The following CSMD1 variants were observed in gnomAD, a reference collection of about 807,000 sequenced individuals.
The protein encoded by CSMD1 is CUB and sushi domain-containing protein 1.
A neutral mutation model predicts 417.5 loss-of-function variants in CSMD1; 213 were observed. That is an observed-to-expected ratio of 0.51 (90% CI 0.46 to 0.57). The LOEUF (loss-of-function observed/expected upper bound fraction) is 0.57, where lower values mean the gene tolerates loss of function less well. CSMD1 is among the 20% of genes least tolerant of loss of function. The probability of loss-of-function intolerance (pLI) is 0.00; values close to 1 mark genes in which losing one functional copy is unlikely to be tolerated. For synonymous variants in CSMD1, 2,862 were observed against 1,736.8 expected, an observed-to-expected ratio of 1.65 and a Z score of -16.11; for missense variants, 6,923 against 4,529.7, an observed-to-expected ratio of 1.53 and a Z score of -15.17.
chr8:3,589,547 G>A (rs1445671380), intron 8 of CSMD1, among the ~76,000 whole-genome samples: 3 of 152,132 alleles, frequency 2.0e-5, no homozygotes, highest in South Asian at 2.1e-4. Flanking sequence ...AGTACTGCAT[G>A]ATCTCATTTC....
At chr8:3,076,412 G>C (rs996882991) in intron 49 of CSMD1, among the ~76,000 whole-genome samples, 1 of 73,958 alleles carries the variant, frequency 1.4e-5, no homozygotes, top group Admixed American at 1.1e-4. Flanking sequence ...TCCAAATACA[G>C]TCCCATTCTA....
At chr8:4,283,638 G>C (rs1054052839) in intron 3 of CSMD1, among the ~76,000 whole-genome samples, 4 of 152,168 alleles carry the variant, frequency 2.6e-5, no homozygotes, top group Non-Finnish European at 5.9e-5. Flanking sequence ...AATGTGGGTA[G>C]AGATGGACAA....
At chr8:3,912,139 T>G (rs1337404344) in intron 5 of CSMD1, among the ~76,000 whole-genome samples, 1 of 152,210 alleles carries the variant, frequency 6.6e-6, no homozygotes, top group Non-Finnish European at 1.5e-5. Flanking sequence ...CTATTTTTAT[T>G]TAACCTGATT....
chr8:4,984,015 G>T (rs1458880286), intron 1 of CSMD1, among the ~76,000 whole-genome samples: 12 of 152,196 alleles, frequency 7.9e-5, no homozygotes, highest in Non-Finnish European at 2.9e-5. Context: ...GATTTGAAAA[G>T]ACTGATTATG....
intron 3 of CSMD1, among the ~76,000 whole-genome samples, chr8:4,068,706 G>A (rs972176182): frequency 6.6e-6 from 1 of 152,032 alleles, no homozygotes; most frequent in Non-Finnish European, 1.5e-5. Flanking sequence ...GATATCTAGT[G>A]GGGAAAAAAG....
At chr8:3,084,642 T>C (rs1182887466) in intron 49 of CSMD1, among the ~76,000 whole-genome samples, 1 of 152,076 alleles carries the variant, frequency 6.6e-6, no homozygotes, top group Non-Finnish European at 1.5e-5. Flanking sequence ...ATTTATATTT[T>C]ATATTTAATA....
At chr8:4,211,646 A>G (rs536487997) in intron 3 of CSMD1, among the ~76,000 whole-genome samples, 3 of 152,232 alleles carry the variant, frequency 2.0e-5, no homozygotes, top group Non-Finnish European at 2.9e-5. Flanking sequence ...TCGTACTAAA[A>G]TCTGTAAATA....
At chr8:4,162,909 A>G (rs907485356) in intron 3 of CSMD1, among the ~76,000 whole-genome samples, 1 of 151,938 alleles carries the variant, frequency 6.6e-6, no homozygotes, top group Non-Finnish European at 1.5e-5. Context: ...CCTTCCTCCA[A>G]CCCTTTGCAA....
At chr8:4,417,635 T>G (rs1446166280) in intron 3 of CSMD1, among the ~76,000 whole-genome samples, 2 of 152,026 alleles carry the variant, frequency 1.3e-5, no homozygotes, top group Non-Finnish European at 1.5e-5. Flanking sequence ...TCATACCAAT[T>G]ACTTGGTGGG....
At chr8:4,136,580 A>C (rs989799464) in intron 3 of CSMD1, among the ~76,000 whole-genome samples, 1 of 152,216 alleles carries the variant, frequency 6.6e-6, no homozygotes, top group Non-Finnish European at 1.5e-5. Flanking sequence ...ACAGTATTTC[A>C]GAAGATGCCA....
At chr8:4,821,885 A>T (rs1441216902) in intron 1 of CSMD1, among the ~76,000 whole-genome samples, 1 of 152,154 alleles carries the variant, frequency 6.6e-6, no homozygotes, top group East Asian at 1.9e-4. Context: ...GCTCTAGCCC[A>T]GCTGTAAAAT....
At chr8:3,963,979 A>C (rs1234982561) in intron 5 of CSMD1, among the ~76,000 whole-genome samples, 1 of 152,210 alleles carries the variant, frequency 6.6e-6, no homozygotes, top group Non-Finnish European at 1.5e-5. Context: ...TATTAAGTCA[A>C]ACAGAATGAG....
At chr8:3,559,902 G>C (rs925344829) in intron 10 of CSMD1, among the ~76,000 whole-genome samples, 5 of 152,142 alleles carry the variant, frequency 3.3e-5, no homozygotes, top group African/African-American at 7.2e-5. Flanking sequence ...GAAGACAAAA[G>C]ATATTCAAGA....
At chr8:4,875,788 T>C (rs78022847) in intron 1 of CSMD1, among the ~76,000 whole-genome samples, 1,527 of 152,026 alleles carry the variant, frequency 0.01, 19 homozygotes, top group Non-Finnish European at 0.015. Flanking sequence ...CTCTAAGATA[T>C]AATGGTTTGT....
At chr8:3,022,865 C>A (rs549566876) in intron 51 of CSMD1, among the ~76,000 whole-genome samples, 1 of 152,118 alleles carries the variant, frequency 6.6e-6, no homozygotes, top group Admixed American at 6.5e-5. Context: ...TTTATTAGGC[C>A]TAGAGAGATA....
chr8:4,146,593 C>CCTTTTTTTT, intron 3 of CSMD1, among the ~76,000 whole-genome samples: 1 of 90,742 alleles, frequency 1.1e-5, no homozygotes. Flanking sequence ...TATATGGACA[C>CCTTTTTTTT]ATTTTTTTTT....
intron 1 of CSMD1, among the ~76,000 whole-genome samples, chr8:4,842,738 T>C (rs940182731): frequency 2.0e-5 from 3 of 152,222 alleles, no homozygotes. Context: ...TTTTTGAATG[T>C]TATTTATTAT....
chr8:3,601,377 G>C (rs1428445836), intron 8 of CSMD1, among the ~76,000 whole-genome samples: 1 of 152,148 alleles, frequency 6.6e-6, no homozygotes, highest in Non-Finnish European at 1.5e-5. Flanking sequence ...CCAACGATGA[G>C]GTTTCCATAT....
chr8:4,410,477 T>A (rs1320926638), intron 3 of CSMD1, among the ~76,000 whole-genome samples: 1 of 152,202 alleles, frequency 6.6e-6, no homozygotes, highest in East Asian at 1.9e-4. Flanking sequence ...GGTGTTTAAA[T>A]AGAAAGTCAT....
Sources: gnomAD v4.1 joint callset for allele counts (sites outside exome capture counted in the v4.1 genomes callset) on GRCh38, gnomAD v4.1.1 for gene constraint, MANE v1.5 for transcripts, NCBI Gene and HGNC (gene_info 2026-07-23, HGNC 2026-07-21) for gene names.